The following SMIM3 variants were observed in gnomAD, a reference collection of about 807,000 sequenced individuals.
The protein encoded by SMIM3 is small integral membrane protein 3, also known as NGF-induced differentiation clone 67 protein.
Under a neutral mutation model 2.1 loss-of-function variants are expected in SMIM3, and 4 were observed. That is an observed-to-expected ratio of 1.89 (90% CI 0.93 to 4.31). SMIM3 has a LOEUF of 4.31. SMIM3 is among the 30% of genes most tolerant of loss of function. SMIM3 has a pLI of 0.01. For synonymous variants in SMIM3, 29 were observed against 30.8 expected (o/e 0.94, Z 0.19); for missense variants, 79 against 77.7 (o/e 1.02, Z -0.06).
chr5:150,779,829 A>ACACCC (rs1753212790), intron 1 of SMIM3, among the ~76,000 whole-genome samples: 1 of 111,022 alleles, frequency 9.0e-6, no homozygotes. Flanking sequence ...GAAAGGTGTA[A>ACACCC]CCCCCCCCGC....
At chr5:150,780,356 A>T (rs1374923512) in intron 1 of SMIM3, among the ~76,000 whole-genome samples, 1 of 152,110 alleles carries the variant, frequency 6.6e-6, no homozygotes, top group Non-Finnish European at 1.5e-5. Flanking sequence ...AGCACAGCTG[A>T]GCTTTAGGAC....
chr5:150,789,206 A>G (rs1048654121), intron 1 of SMIM3, among the ~76,000 whole-genome samples: 4 of 152,248 alleles, frequency 2.6e-5, no homozygotes, highest in Non-Finnish European at 4.4e-5. Flanking sequence ...TATTAGACAT[A>G]CCAAGAAACA....
Position 150,795,542 on chromosome 5 carries a change from G to A in SMIM3, c.102G>A (p.Met34Ile). The stretch of plus-strand genomic sequence containing the variant: ...TCATCCTGGCCACCATTGTCATCAT[G>A]ACCTCGTTGTTGCTGTGCCCAGCCA... ...VLIILATIVI[M>I]TSLLLCPATA... Residue 34 changes from methionine to isoleucine, a missense_variant, in exon 2 of 2, where the codon ATG becomes ATA. Coordinates refer to ENST00000526627, the MANE Select transcript of SMIM3 (RefSeq NM_032947.5). 1 of 1,610,686 alleles carries A rather than the reference G, an allele frequency of 6.2e-7. No individual in the cohort carries two copies. Among genetic ancestry groups the A allele is most frequent in the Non-Finnish European group, 8.5e-7 (1 of 1,179,580 alleles).
chr5:150,795,922 G>C lies in SMIM3; in HGVS notation c.*299G>C. On this transcript the variant is annotated 3_prime_UTR_variant, in exon 2 of 2. Transcript: ENST00000526627. ...ATCAGTAAAGCTACCACAGATATAAGGGTGTTATGCTGAATCCTGAGAAGC... is the reference window on the plus strand; with the variant it reads ...ATCAGTAAAGCTACCACAGATATAACGGTGTTATGCTGAATCCTGAGAAGC... 1 of 391,588 alleles carries C rather than the reference G, an allele frequency of 2.6e-6. No individual in the cohort carries two copies. Among genetic ancestry groups the C allele is most frequent in the Non-Finnish European group, 4.8e-6 (1 of 209,432 alleles). 24.3% of individuals were successfully genotyped at this position (391,588 alleles called of 1,614,324 possible).
intron 1 of SMIM3, among the ~76,000 whole-genome samples, chr5:150,792,990 C>G (rs992881875): frequency 2.0e-5 from 3 of 151,404 alleles, no homozygotes; most frequent in African/African-American, 7.3e-5. Flanking sequence ...CCATTAGTAA[C>G]TAGTTAAGAA....
intron 1 of SMIM3, among the ~76,000 whole-genome samples, chr5:150,790,353 C>T (rs1753337510): frequency 6.6e-6 from 1 of 152,084 alleles, no homozygotes; most frequent in African/African-American, 2.4e-5. Context: ...TGTGGGGTTC[C>T]TTTAGTCTAA....
rs1753392676 is a variant in SMIM3 at position 150,795,462 on chromosome 5, C to T, written c.22C>T (p.Pro8Ser). The change falls in exon 2 of 2, where the codon CCC (proline) becomes TCC (serine). Residue 8 changes from proline (P) to serine (S), a missense_variant. Physicochemically the swap from Pro to Ser is moderately conservative, Grantham distance 74. Coordinates refer to ENST00000526627, the MANE Select transcript of SMIM3 (RefSeq NM_032947.5). Reference protein sequence around the residue: MDAVSQVPMEVVLPKHIL... With the variant: MDAVSQVSMEVVLPKHIL... ...CAACATGGATGCAGTCAGCCAAGTC[C>T]CCATGGAAGTCGTGCTTCCCAAGCA... 1 of 1,613,942 alleles carries T rather than the reference C, an allele frequency of 6.2e-7. No homozygotes were observed. The highest frequency in any genetic ancestry group is 1.1e-5 in the South Asian group (1 of 91,070).
At chr5:150,781,743 G>C (rs1394173846) in intron 1 of SMIM3, among the ~76,000 whole-genome samples, 1 of 151,472 alleles carries the variant, frequency 6.6e-6, no homozygotes, top group Non-Finnish European at 1.5e-5. Context: ...CCACCGCCCG[G>C]TGCTCTTGCA....
intron 1 of SMIM3, among the ~76,000 whole-genome samples, chr5:150,789,542 C>A (rs1248094297): frequency 6.6e-6 from 1 of 152,134 alleles, no homozygotes; most frequent in East Asian, 1.9e-4. Flanking sequence ...AACAGTAGCT[C>A]TGGAAGGGCC....
intron 1 of SMIM3, among the ~76,000 whole-genome samples, chr5:150,780,865 G>A (rs745907546): frequency 2.6e-5 from 4 of 152,210 alleles, no homozygotes; most frequent in Non-Finnish European, 4.4e-5. Flanking sequence ...CACAAACACA[G>A]TTTATTGAGG....
intron 1 of SMIM3, among the ~76,000 whole-genome samples, chr5:150,780,020 T>TG (rs1454536196): frequency 6.6e-6 from 1 of 152,104 alleles, no homozygotes; most frequent in Non-Finnish European, 1.5e-5. Flanking sequence ...CTCCAGGGTG[T>TG]GGTGGTGAAG....
rs139420502 is a variant in SMIM3, at chr5:150,795,586, G to C, written c.146G>C (p.Arg49Pro). Reference protein sequence around the residue: ...LCPATAVIIYRMRTHPILSGA... With the variant: ...LCPATAVIIYPMRTHPILSGA... ...CCAGCCACTGCAGTAATCATCTATC[G>C]CATGCGGACTCATCCGATCCTTAGT... Residue 49 changes from arginine (R) to proline (P), a missense_variant, in exon 2 of 2, where the codon CGC (arginine) becomes CCC (proline). Transcript: ENST00000526627. 3.2e-6 allele frequency: 5 copies of C among 1,580,958 alleles called. No homozygotes were observed. The highest frequency in any genetic ancestry group is 4.3e-6 in the Non-Finnish European group (5 of 1,168,736).
intron 1 of SMIM3, among the ~76,000 whole-genome samples, chr5:150,782,521 C>T (rs1374406662): frequency 6.6e-6 from 1 of 152,130 alleles, no homozygotes; most frequent in African/African-American, 2.4e-5. Flanking sequence ...TTGAGCTTAT[C>T]GGCCCAAGCA....
chr5:150,784,401 T>A (rs1327915737), intron 1 of SMIM3, among the ~76,000 whole-genome samples: 1 of 152,186 alleles, frequency 6.6e-6, no homozygotes, highest in Non-Finnish European at 1.5e-5. Context: ...ATGTATCTCA[T>A]CAACTCTGGG....
At chr5:150,791,211 T>C (rs749891367) in intron 1 of SMIM3, among the ~76,000 whole-genome samples, 4 of 152,192 alleles carry the variant, frequency 2.6e-5, no homozygotes, top group South Asian at 2.1e-4. Context: ...TTCTACAAAA[T>C]CTGAACCAAA....
chr5:150,780,935 C>T (rs1406767002), intron 1 of SMIM3, among the ~76,000 whole-genome samples: 1 of 152,064 alleles, frequency 6.6e-6, no homozygotes, highest in African/African-American at 2.4e-5. Flanking sequence ...CCTGACTGGC[C>T]CAGTAAGCGG....
At chr5:150,789,993 C>T (rs1025489802) in intron 1 of SMIM3, among the ~76,000 whole-genome samples, 2 of 152,140 alleles carry the variant, frequency 1.3e-5, no homozygotes, top group African/African-American at 4.8e-5. Context: ...AATATTAGTA[C>T]AGTCTAGGAT....
At chr5:150,793,080 T>C (rs1005521364) in intron 1 of SMIM3, among the ~76,000 whole-genome samples, 3 of 152,158 alleles carry the variant, frequency 2.0e-5, no homozygotes, top group Non-Finnish European at 4.4e-5. Context: ...CATAAATACA[T>C]ATTAAGTTGT....
intron 1 of SMIM3, among the ~76,000 whole-genome samples, chr5:150,780,660 G>A (rs1753223559): frequency 6.6e-6 from 1 of 152,106 alleles, no homozygotes; most frequent in African/African-American, 2.4e-5. Flanking sequence ...TCAGATCCTG[G>A]GCCCTTGGGG....
Sources: allele counts gnomAD v4.1 joint callset (sites outside exome capture counted in the v4.1 genomes callset), GRCh38; gene constraint gnomAD v4.1.1; transcripts MANE v1.5; gene names NCBI Gene and HGNC (gene_info 2026-07-23, HGNC 2026-07-21).